FAM151B: variants seen among roughly 807,000 people sequenced by gnomAD.
FAM151B encodes the protein protein FAM151B.
In FAM151B, 24 loss-of-function variants were observed where a neutral mutation model predicts 31.2. The ratio of observed to expected loss-of-function variants is 0.77; its 90% CI spans 0.56 to 1.08. The LOEUF is 1.08. Among genes scored for constraint, FAM151B ranks in the 50% least tolerant of loss-of-function variants. FAM151B has a pLI of 0.00. For synonymous variants in FAM151B, 105 were observed against 111.4 expected, an observed-to-expected ratio of 0.94 and a Z score of 0.36; for missense variants, 293 against 328.6, an observed-to-expected ratio of 0.89 and a Z score of 0.84.
chr5:80,505,622 C>T (rs1743925062), intron 2 of FAM151B, among the ~76,000 whole-genome samples: 1 of 151,862 alleles, frequency 6.6e-6, no homozygotes, highest in Non-Finnish European at 1.5e-5. Flanking sequence ...TCTCGATCTC[C>T]TGACCTCGTG....
At chr5:80,538,466 C>CTCTTTCTTTG (rs1745676347) in intron 5 of FAM151B, among the ~76,000 whole-genome samples, 1 of 121,410 alleles carries the variant, frequency 8.2e-6, no homozygotes, top group African/African-American at 3.3e-5. Flanking sequence ...TTCTTTCTTT[C>CTCTTTCTTTG]TTTCTTTCTT....
In FAM151B at chr5:80,513,714, G is replaced by A. The variant is rs773404363; in HGVS notation, c.262G>A (p.Glu88Lys). ...PETNSDNTLQ[E>K]WLTEVMKSNK... ...AACAAACAGTGATAATACTCTACAG[G>A]AGTGGCTGACTGAAGTTATGAAAAG... Residue 88 changes from glutamate (E) to lysine (K), a missense_variant, in exon 3 of 6, where the codon GAG becomes AAG. By Grantham distance (56) the Glu-to-Lys change is moderately conservative. Transcript: ENST00000282226. The A allele has an allele frequency of 6.2e-7, 1 of 1,613,980 alleles. No homozygotes were observed. The highest frequency in any genetic ancestry group is 8.5e-7 in the Non-Finnish European group (1 of 1,179,994).
At position 80,538,460 on chromosome 5, in the gene FAM151B, T is replaced by TTCTTTCTTTC. The variant is rs1745673379; in HGVS notation, c.672-3211_672-3202dup. 2.4e-5 allele frequency among the ~76,000 whole-genome samples: 2 copies of TTCTTTCTTTC among 82,126 alleles called. 1 individual carries two copies. The highest frequency in any genetic ancestry group is 8.2e-4 in the South Asian group (2 of 2,440). 53.9% of individuals were successfully genotyped at this position (82,126 alleles called of 152,430 possible). ...TCTTTCTTTCTTTCTCTTTCTTTCT[T>TTCTTTCTTTC]TCTTTCTTTCTTTCTTTCTTTCTTT... On this transcript the variant is annotated intron_variant, in intron 5 of 5. Coordinates refer to ENST00000282226, the MANE Select transcript of FAM151B (RefSeq NM_205548.3).
At chr5:80,525,661 G>C (rs1344147563) in intron 5 of FAM151B, among the ~76,000 whole-genome samples, 5 of 152,010 alleles carry the variant, frequency 3.3e-5, no homozygotes, top group African/African-American at 1.2e-4. Flanking sequence ...ATGTCAGCAT[G>C]CACATAAGTA....
intron 2 of FAM151B, among the ~76,000 whole-genome samples, chr5:80,511,925 G>C (rs1054252478): frequency 6.6e-6 from 1 of 152,044 alleles, no homozygotes; most frequent in African/African-American, 2.4e-5. Context: ...TATTTTAAAT[G>C]GTCAGCATTG....
At chr5:80,494,437 C>CTT (rs1743427521) in intron 1 of FAM151B, among the ~76,000 whole-genome samples, 3 of 77,688 alleles carry the variant, frequency 3.9e-5, no homozygotes, top group African/African-American at 3.8e-5. Context: ...TTCTGTCTTT[C>CTT]TTTCTTTTTC....
At chr5:80,516,102 A>C (rs1744435794) in intron 3 of FAM151B, among the ~76,000 whole-genome samples, 1 of 152,240 alleles carries the variant, frequency 6.6e-6, no homozygotes, top group Non-Finnish European at 1.5e-5. Flanking sequence ...AGGTGGGCGA[A>C]TCACCTGAGG....
chr5:80,488,203 G>C, intron 1 of FAM151B, 55 bp downstream of exon 1: 1 of 1,516,878 alleles, frequency 6.6e-7, no homozygotes, highest in South Asian at 1.2e-5. Flanking sequence ...GAGAGGCTCC[G>C]CCGGCCGTAC....
At chr5:80,508,475 G>A (rs938815258) in intron 2 of FAM151B, among the ~76,000 whole-genome samples, 4 of 151,974 alleles carry the variant, frequency 2.6e-5, no homozygotes, top group African/African-American at 7.2e-5. Flanking sequence ...CCAGCTAAGT[G>A]TATATGAATT....
chr5:80,536,323 AC>A (rs957823660), intron 5 of FAM151B, among the ~76,000 whole-genome samples: 1 of 151,054 alleles, frequency 6.6e-6, no homozygotes, highest in Non-Finnish European at 1.5e-5. Flanking sequence ...GGCGCCCGCC[AC>A]CAAGTCCAGC....
At chr5:80,538,517 C>T (rs868807516) in intron 5 of FAM151B, among the ~76,000 whole-genome samples, 803 of 33,382 alleles carry the variant, frequency 0.024, 7 homozygotes, top group Middle Eastern at 0.18. Flanking sequence ...TCTTTCTTTC[C>T]TTCCTTCCTT....
chr5:80,522,195 A>G, intron 5 of FAM151B, 57 bp downstream of exon 5: 2 of 1,520,326 alleles, frequency 1.3e-6, no homozygotes, highest in Non-Finnish European at 9.0e-7. Flanking sequence ...AGAGATAGAA[A>G]GGGCATGAAA....
At chr5:80,519,975 C>A in intron 4 of FAM151B, 65 bp downstream of exon 4, 1 of 1,448,662 alleles carries the variant, frequency 6.9e-7, no homozygotes, top group Non-Finnish European at 9.5e-7. Flanking sequence ...AAAATAACAT[C>A]TTTAATACAA....
In FAM151B at chr5:80,539,177, ATG is replaced by A. The variant is rs1441511618; in HGVS notation, c.672-2492_672-2491del. ...GTTTTCGTGAATAACCTTATTGTAAATGTGTTATTTTTCATATGTACAAATAT... is the reference window on the plus strand; with the variant it reads ...GTTTTCGTGAATAACCTTATTGTAAATGTTATTTTTCATATGTACAAATAT... On this transcript the variant is annotated intron_variant, in intron 5 of 5. Transcript: ENST00000282226. Among the ~76,000 whole-genome samples the A allele has an allele frequency of 4.6e-5, 7 of 151,712 alleles. No homozygotes were observed. The South Asian group carries it at 1.5e-3, about 32-fold the overall frequency.
rs569270906 is a variant in FAM151B at position 80,504,633 on chromosome 5, G to A, written c.151+2716G>A. On this transcript the variant is annotated intron_variant, in intron 2 of 5. Transcript: ENST00000282226. ...CCTCCCGGGTTCAAGCCATCCTCCT[G>A]CCTCAGCCTCTGAGTAGCTGGGACT... 3.4e-5 allele frequency among the ~76,000 whole-genome samples: 5 copies of A among 145,318 alleles called. No individual in the cohort carries two copies. The South Asian group carries it at 1.1e-3, about 31-fold the overall frequency.
At chr5:80,494,410 C>T (rs879272728) in intron 1 of FAM151B, among the ~76,000 whole-genome samples, 1 of 151,980 alleles carries the variant, frequency 6.6e-6, no homozygotes, top group East Asian at 1.9e-4. Flanking sequence ...GCTGCACTAA[C>T]AGCAGATTTT....
chr5:80,533,714 C>CACT (rs1745353121), intron 5 of FAM151B, among the ~76,000 whole-genome samples: 1 of 138,992 alleles, frequency 7.2e-6, no homozygotes, highest in Non-Finnish European at 1.5e-5. Flanking sequence ...CACACCACTG[C>CACT]ACTCCAGTCT....
intron 5 of FAM151B, among the ~76,000 whole-genome samples, chr5:80,528,361 C>T (rs147507671): frequency 2.8e-4 from 42 of 151,782 alleles, no homozygotes; most frequent in African/African-American, 7.7e-4. Context: ...TAAGTCCTTA[C>T]TTATCAATAA....
At chr5:80,530,791 C>T (rs372998424) in intron 5 of FAM151B, among the ~76,000 whole-genome samples, 11 of 152,042 alleles carry the variant, frequency 7.2e-5, no homozygotes, top group Non-Finnish European at 1.2e-4. Flanking sequence ...GAATCAATAC[C>T]GTGAAAATGG....
Sources: allele counts gnomAD v4.1 joint callset (sites outside exome capture counted in the v4.1 genomes callset), GRCh38; gene constraint gnomAD v4.1.1; transcripts MANE v1.5; gene names NCBI Gene and HGNC (gene_info 2026-07-23, HGNC 2026-07-21).